Variants in MICU3 observed in about 807,000 individuals in gnomAD.
MICU3 encodes calcium uptake protein 3, mitochondrial.
A neutral mutation model predicts 66.5 loss-of-function variants in MICU3; 62 were observed. The ratio of observed to expected loss-of-function variants is 0.93; its 90% CI spans 0.76 to 1.15. MICU3 has a LOEUF of 1.15. Ranked by LOEUF, MICU3 falls within the 50% of genes most tolerant of loss-of-function variation. The probability of loss-of-function intolerance (pLI) is 0.00; values close to 1 mark genes in which losing one functional copy is unlikely to be tolerated. For synonymous variants in MICU3, 308 were observed against 240.7 expected (o/e 1.28, Z -2.59); for missense variants, 779 against 664.4 (o/e 1.17, Z -1.90).
chr8:17,082,888 C>A (rs1821412629), intron 5 of MICU3, among the ~76,000 whole-genome samples: 3 of 152,138 alleles, frequency 2.0e-5, no homozygotes, highest in Non-Finnish European at 4.4e-5. Context: ...TACATGCACT[C>A]ACATATGTGT....
chr8:17,131,023 G>A, the MICU3 span, among the ~76,000 whole-genome samples: 1 of 152,168 alleles, frequency 6.6e-6, no homozygotes, highest in Non-Finnish European at 1.5e-5. Context: ...AACTGGAGTG[G>A]CTGTATTAAC....
intron 2 of MICU3, among the ~76,000 whole-genome samples, chr8:17,066,298 A>G (rs1220893993): frequency 6.6e-6 from 1 of 151,498 alleles, no homozygotes; most frequent in Admixed American, 6.6e-5. Context: ...GCTAAGGGGG[A>G]TACAAAGTCT....
the MICU3 span, among the ~76,000 whole-genome samples, chr8:17,129,609 G>T: frequency 4.6e-5 from 7 of 151,954 alleles, no homozygotes; most frequent in African/African-American, 1.7e-4. Context: ...ATGCACAAAA[G>T]AAAAAACTAT....
At chr8:17,074,735 C>G (rs1408060997) in intron 3 of MICU3, among the ~76,000 whole-genome samples, 1 of 151,354 alleles carries the variant, frequency 6.6e-6, no homozygotes, top group African/African-American at 2.4e-5. Flanking sequence ...ACTAATTTTT[C>G]TATAATATAT....
At chr8:17,104,625 T>C (rs1801572361) in intron 10 of MICU3, 134 bp downstream of exon 10, 4 of 417,302 alleles carry the variant, frequency 9.6e-6, no homozygotes, top group African/African-American at 2.1e-5. Flanking sequence ...GTATAATAAA[T>C]ACCCACATTT....
rs1475077416 is a variant in MICU3 at position 17,121,337 on chromosome 8, A to G, written c.*1050A>G. The G allele has an allele frequency of 6.6e-6, 1 of 151,814 alleles. No homozygotes were observed. Among genetic ancestry groups the G allele is most frequent in the African/African-American group, 2.4e-5 (1 of 41,432 alleles). 9.4% of individuals were successfully genotyped at this position (151,814 alleles called of 1,614,324 possible). A position where few individuals can be genotyped will look rare whatever the true frequency, so the allele number is the denominator to read the frequency against. ...AGCCAGTAATAATAATTTAAATATAATTTATTATTTCAAAAGAATATGTCT... is the reference window on the plus strand; with the variant it reads ...AGCCAGTAATAATAATTTAAATATAGTTTATTATTTCAAAAGAATATGTCT... On this transcript the variant is annotated 3_prime_UTR_variant, in exon 15 of 15. Coordinates refer to ENST00000318063, the MANE Select transcript of MICU3 (RefSeq NM_181723.3).
At chr8:17,039,708 A>G (rs1023786208) in intron 1 of MICU3, among the ~76,000 whole-genome samples, 1 of 152,032 alleles carries the variant, frequency 6.6e-6, no homozygotes, top group Admixed American at 6.6e-5. Flanking sequence ...ATTTATCTCT[A>G]GTAATTTTTG....
chr8:17,042,043 T>C (rs141517786), intron 1 of MICU3, among the ~76,000 whole-genome samples: 57 of 152,334 alleles, frequency 3.7e-4, no homozygotes, highest in Non-Finnish European at 6.5e-4. Context: ...TATGAGCTTT[T>C]TAACAATGAA....
chr8:17,040,013 T>A (rs1392931325), intron 1 of MICU3, among the ~76,000 whole-genome samples: 1 of 148,442 alleles, frequency 6.7e-6, no homozygotes, highest in Non-Finnish European at 1.5e-5. Flanking sequence ...GTTCAAGTGA[T>A]TCTCTTGCCT....
At chr8:17,090,872 A>G (rs1799973625) in intron 8 of MICU3, among the ~76,000 whole-genome samples, 1 of 152,106 alleles carries the variant, frequency 6.6e-6, no homozygotes, top group Non-Finnish European at 1.5e-5. Context: ...ATCTTTTAGC[A>G]GTATTTGAAG....
chr8:17,101,954 A>G (rs1801295388), intron 9 of MICU3, among the ~76,000 whole-genome samples: 1 of 151,920 alleles, frequency 6.6e-6, no homozygotes. Flanking sequence ...AATGATTTAA[A>G]TGTGTTATCC....
chr8:17,054,736 TTC>T (rs1315894976), intron 1 of MICU3, among the ~76,000 whole-genome samples: 1 of 129,332 alleles, frequency 7.7e-6, no homozygotes, highest in Admixed American at 7.6e-5. Context: ...TTTTCTTTCT[TTC>T]TTTTTTTTTT....
At chr8:17,045,524 AT>A (rs1259575272) in intron 1 of MICU3, among the ~76,000 whole-genome samples, 4 of 152,198 alleles carry the variant, frequency 2.6e-5, no homozygotes, top group Non-Finnish European at 4.4e-5. Flanking sequence ...AAAGTCCCCA[AT>A]GAAGTCCCGA....
intron 14 of MICU3, among the ~76,000 whole-genome samples, chr8:17,119,353 C>T (rs992918374): frequency 2.6e-5 from 4 of 152,030 alleles, no homozygotes; most frequent in African/African-American, 9.7e-5. Flanking sequence ...TTTCTAATCT[C>T]CAAGCGAGGA....
At chr8:17,064,530 G>A (rs911281286) in intron 2 of MICU3, among the ~76,000 whole-genome samples, 2 of 152,122 alleles carry the variant, frequency 1.3e-5, no homozygotes, top group African/African-American at 4.8e-5. Context: ...AACCTGAACA[G>A]AGTAGTTCAG....
intron 12 of MICU3, among the ~76,000 whole-genome samples, chr8:17,114,885 T>C (rs546792623): frequency 8.5e-5 from 13 of 152,170 alleles, no homozygotes; most frequent in Middle Eastern, 3.4e-3. Flanking sequence ...TTTGGGAGGC[T>C]GAGGCGGGCG....
At chr8:17,087,581 G>A (rs1358625432) in intron 7 of MICU3, among the ~76,000 whole-genome samples, 1 of 151,960 alleles carries the variant, frequency 6.6e-6, no homozygotes, top group Non-Finnish European at 1.5e-5. Context: ...ATTTCAGCCT[G>A]ACCATAGGCC....
At chr8:17,099,408 G>T (rs911376573) in intron 9 of MICU3, among the ~76,000 whole-genome samples, 1 of 151,626 alleles carries the variant, frequency 6.6e-6, no homozygotes, top group African/African-American at 2.4e-5. Flanking sequence ...AATATCTGGA[G>T]AAGTAAACTG....
intron 8 of MICU3, among the ~76,000 whole-genome samples, chr8:17,092,888 T>C (rs776034959): frequency 3.2e-4 from 49 of 152,052 alleles, no homozygotes; most frequent in Non-Finnish European, 1.6e-4. Context: ...ATCATGGAGC[T>C]GGATATAAAC....
Sources: allele counts gnomAD v4.1 joint callset (sites outside exome capture counted in the v4.1 genomes callset), GRCh38; gene constraint gnomAD v4.1.1; transcripts MANE v1.5; gene names NCBI Gene and HGNC (gene_info 2026-07-23, HGNC 2026-07-21).